The following RELL1 variants were observed in gnomAD, a reference collection of about 807,000 sequenced individuals.
RELL1 encodes the protein RELT like 1, also known as RELT-like protein 1.
RELL1 carries 10 observed loss-of-function variants against 23.0 expected under a neutral mutation model. The ratio of observed to expected loss-of-function variants is 0.43; its 90% CI spans 0.27 to 0.74. RELL1 has a LOEUF of 0.74. Ranked by LOEUF, RELL1 falls within the 30% of genes least tolerant of loss-of-function variation. The probability of loss-of-function intolerance (pLI) is 0.19; values close to 1 mark genes in which losing one functional copy is unlikely to be tolerated. For missense variants in RELL1, 315 were observed against 364.4 expected, an observed-to-expected ratio of 0.86 and a Z score of 1.10; for synonymous variants, 146 against 146.8, an observed-to-expected ratio of 0.99 and a Z score of 0.04.
chr4:37,639,409 T>C (rs867084978), intron 3 of RELL1, among the ~76,000 whole-genome samples: 2 of 120,492 alleles, frequency 1.7e-5, no homozygotes, highest in Non-Finnish European at 3.7e-5. Context: ...AAAAAAAAAA[T>C]TTCAAGTATT....
intron 1 of RELL1, among the ~76,000 whole-genome samples, chr4:37,663,664 C>A (rs1221419383): frequency 2.0e-5 from 3 of 152,282 alleles, no homozygotes; most frequent in Middle Eastern, 3.4e-3. Flanking sequence ...CACACGGGTT[C>A]AATAACAAGC....
chr4:37,668,800 T>TA (rs552408472), intron 1 of RELL1, among the ~76,000 whole-genome samples: 2,050 of 137,764 alleles, frequency 0.015, 28 homozygotes, highest in Non-Finnish European at 0.022. Flanking sequence ...CCACCCCATC[T>TA]AGGAAGTGAG....
intron 1 of RELL1, among the ~76,000 whole-genome samples, chr4:37,668,498 G>A (rs1184875451): frequency 1.3e-5 from 2 of 152,080 alleles, no homozygotes; most frequent in East Asian, 1.9e-4. Flanking sequence ...GATTGCAGAC[G>A]GAGTCTCCTT....
chr4:37,614,770 A>T (rs1719520959), intron 6 of RELL1, among the ~76,000 whole-genome samples: 1 of 152,076 alleles, frequency 6.6e-6, no homozygotes, highest in Non-Finnish European at 1.5e-5. Context: ...CACTGTTTTT[A>T]TGTCTCCTCT....
intron 5 of RELL1, among the ~76,000 whole-genome samples, chr4:37,631,740 G>C (rs1367695664): frequency 1.3e-5 from 2 of 152,048 alleles, no homozygotes; most frequent in Non-Finnish European, 2.9e-5. Context: ...CCACATCACA[G>C]ACTAAGCCGG....
intron 6 of RELL1, among the ~76,000 whole-genome samples, chr4:37,626,799 C>T (rs1286904798): frequency 6.7e-6 from 1 of 150,366 alleles, no homozygotes; most frequent in Non-Finnish European, 1.5e-5. Flanking sequence ...CGACAAATAC[C>T]ACGTCATCTC....
At chr4:37,597,592 C>T (rs949795146) in intron 6 of RELL1, among the ~76,000 whole-genome samples, 5 of 152,172 alleles carry the variant, frequency 3.3e-5, no homozygotes, top group Non-Finnish European at 1.5e-5. Flanking sequence ...CTCTACTCAT[C>T]AGCCGACGTG....
chr4:37,604,778 CACACACAG>C (rs148786959), intron 6 of RELL1, among the ~76,000 whole-genome samples: 17,227 of 145,082 alleles, frequency 0.12, 1,251 homozygotes, highest in East Asian at 0.28. Context: ...CACACACAGA[CACACACAG>C]ACACACACAC....
intron 6 of RELL1, among the ~76,000 whole-genome samples, chr4:37,621,492 A>G (rs1719765693): frequency 6.6e-6 from 1 of 152,074 alleles, no homozygotes; most frequent in South Asian, 2.1e-4. Flanking sequence ...GGAAAAAAAT[A>G]AAGAAAAATA....
chr4:37,616,120 A>T (rs1418244591), intron 6 of RELL1, among the ~76,000 whole-genome samples: 1 of 152,236 alleles, frequency 6.6e-6, no homozygotes, highest in Admixed American at 6.5e-5. Flanking sequence ...ATTAATAATA[A>T]CAGCACTGGC....
chr4:37,629,457 G>A (rs1378525962), intron 6 of RELL1, among the ~76,000 whole-genome samples: 1 of 152,190 alleles, frequency 6.6e-6, no homozygotes, highest in East Asian at 1.9e-4. Context: ...TCAGTACCAT[G>A]CCTAGAAGAC....
intron 1 of RELL1, among the ~76,000 whole-genome samples, chr4:37,655,819 T>A (rs1721097043): frequency 6.6e-6 from 1 of 152,154 alleles, no homozygotes; most frequent in Admixed American, 6.5e-5. Flanking sequence ...AGCTCCAGTC[T>A]AGGACAGAAA....
intron 3 of RELL1, among the ~76,000 whole-genome samples, chr4:37,641,133 T>C (rs968571532): frequency 1.3e-5 from 2 of 152,222 alleles, no homozygotes; most frequent in Admixed American, 6.5e-5. Context: ...CGGTTATTCA[T>C]GAATTCCTGT....
chr4:37,606,969 T>C (rs1163143592), downstream of RELL1, among the ~76,000 whole-genome samples: 10 of 152,212 alleles, frequency 6.6e-5, no homozygotes, highest in Admixed American at 5.2e-4. This position sits in a 1 kb window ranked among gnomAD's most constrained non-coding sequence, Gnocchi z 4.1. Context: ...ATATGTACCA[T>C]CACGTTCCTG....
At chr4:37,684,313 TTA>T (rs1273857553) in intron 1 of RELL1, among the ~76,000 whole-genome samples, 1 of 151,740 alleles carries the variant, frequency 6.6e-6, no homozygotes, top group Non-Finnish European at 1.5e-5. Flanking sequence ...CCTTTCCTTT[TTA>T]GACACCTGTT....
rs547494269 is a variant in RELL1, at chr4:37,667,499, C to T, written c.89-17999G>A. Among the ~76,000 whole-genome samples, 6 of 146,220 alleles carry T rather than the reference C, an allele frequency of 4.1e-5. No individual in the cohort carries two copies. The East Asian group carries it at 1.0e-3, about 25-fold the overall frequency. ...CTCCATTACTGCTGAAATGTGAGGGCTCACAGTTTCAACATTCAGTAAAAG... is the reference window on the plus strand; with the variant it reads ...CTCCATTACTGCTGAAATGTGAGGGTTCACAGTTTCAACATTCAGTAAAAG... On this transcript the variant is annotated intron_variant, in intron 1 of 6. Transcript: ENST00000454158.
downstream of RELL1, among the ~76,000 whole-genome samples, chr4:37,605,793 GAGAAAGAA>G (rs771797298): frequency 4.5e-3 from 404 of 90,310 alleles, 2 homozygotes; most frequent in African/African-American, 9.1e-3. Flanking sequence ...GAGAAAGAAA[GAGAAAGAA>G]AGAAAGAAAG....
At chr4:37,607,446 T>C (rs76870734), downstream of RELL1, among the ~76,000 whole-genome samples, 951 of 152,354 alleles carry the variant, frequency 6.2e-3, 7 homozygotes, top group African/African-American at 0.022. Flanking sequence ...CCTCATTTTA[T>C]TGCACTTTGC....
At chr4:37,654,444 A>C (rs919805315) in intron 1 of RELL1, among the ~76,000 whole-genome samples, 3 of 152,230 alleles carry the variant, frequency 2.0e-5, no homozygotes, top group African/African-American at 7.2e-5. Flanking sequence ...CTACCTTAAC[A>C]ATTCAATGAA....
Sources: allele counts gnomAD v4.1 joint callset (sites outside exome capture counted in the v4.1 genomes callset), GRCh38; gene constraint gnomAD v4.1.1; non-coding constraint Gnocchi (gnomAD v3.1); transcripts MANE v1.5; gene names NCBI Gene and HGNC (gene_info 2026-07-23, HGNC 2026-07-21).